The following KCTD16 variants were observed in gnomAD, a reference collection of about 807,000 sequenced individuals.
KCTD16 encodes BTB/POZ domain-containing protein KCTD16.
In KCTD16, 13 loss-of-function variants were observed where a neutral mutation model predicts 33.2. The observed-to-expected ratio is 0.39, with a 90% confidence interval of 0.25 to 0.62. The LOEUF (loss-of-function observed/expected upper bound fraction) is 0.62, where lower values mean the gene tolerates loss of function less well. Among genes scored for constraint, KCTD16 ranks in the 20% least tolerant of loss-of-function variants. The pLI is 0.50. For missense variants in KCTD16, 441 were observed against 525.1 expected (o/e 0.84, Z 1.57); for synonymous variants, 197 against 195.3 (o/e 1.01, Z -0.07).
At chr5:144,452,773 TAA>T (rs34403827) in intron 3 of KCTD16, among the ~76,000 whole-genome samples, 23 of 109,040 alleles carry the variant, frequency 2.1e-4, no homozygotes, top group Admixed American at 5.4e-4. Context: ...CAAGCAAGAA[TAA>T]AAAAAAAAAA....
At chr5:144,236,395 G>T (rs950516378) in intron 3 of KCTD16, among the ~76,000 whole-genome samples, 1 of 152,070 alleles carries the variant, frequency 6.6e-6, no homozygotes, top group Non-Finnish European at 1.5e-5. Context: ...ATATGCAGGG[G>T]CATGGAACAT....
At chr5:144,291,319 T>C (rs1755890727) in intron 3 of KCTD16, among the ~76,000 whole-genome samples, 1 of 152,226 alleles carries the variant, frequency 6.6e-6, no homozygotes, top group South Asian at 2.1e-4. Context: ...ACCTCCATAC[T>C]GGTATACACT....
At chr5:144,439,033 G>GTT (rs58143416) in intron 3 of KCTD16, among the ~76,000 whole-genome samples, 1 of 147,420 alleles carries the variant, frequency 6.8e-6, no homozygotes, top group Non-Finnish European at 1.5e-5. Flanking sequence ...AATTTCATCT[G>GTT]TTTTTTTTTT....
intron 2 of KCTD16, among the ~76,000 whole-genome samples, chr5:144,196,136 G>A (rs1752934884): frequency 6.6e-6 from 1 of 152,138 alleles, no homozygotes; most frequent in Non-Finnish European, 1.5e-5. Context: ...ACATTTTAAA[G>A]GAGCTCAAAA....
intron 3 of KCTD16, among the ~76,000 whole-genome samples, chr5:144,344,443 G>C (rs1034861318): frequency 1.0e-4 from 15 of 148,644 alleles, no homozygotes; most frequent in Admixed American, 4.7e-4. Context: ...GAAAATTTTC[G>C]CAACCTACTC....
intron 3 of KCTD16, among the ~76,000 whole-genome samples, chr5:144,310,730 T>A (rs541824641): frequency 6.6e-6 from 1 of 152,310 alleles, no homozygotes; most frequent in Non-Finnish European, 1.5e-5. Flanking sequence ...GAGTTGGCAC[T>A]ATTTTTTTTC....
At chr5:144,471,876 G>A (rs1754484288) in intron 3 of KCTD16, among the ~76,000 whole-genome samples, 1 of 151,892 alleles carries the variant, frequency 6.6e-6, no homozygotes, top group South Asian at 2.1e-4. Flanking sequence ...TGAAAGAGTG[G>A]GTATAATTTA....
At chr5:144,415,536 T>A (rs915595523) in intron 3 of KCTD16, among the ~76,000 whole-genome samples, 1 of 152,124 alleles carries the variant, frequency 6.6e-6, no homozygotes, top group Admixed American at 6.6e-5. Context: ...CAATTGGGAC[T>A]CAATCTCTAT....
intron 3 of KCTD16, among the ~76,000 whole-genome samples, chr5:144,353,893 A>T (rs972121145): frequency 2.0e-5 from 3 of 151,784 alleles, no homozygotes; most frequent in Non-Finnish European, 2.9e-5. Context: ...TTAAGTCACA[A>T]AATCGATGTT....
intron 3 of KCTD16, among the ~76,000 whole-genome samples, chr5:144,325,355 C>T (rs1037385923): frequency 2.0e-5 from 3 of 152,154 alleles, no homozygotes; most frequent in Non-Finnish European, 4.4e-5. Flanking sequence ...CTGATCAAGT[C>T]ACAAGGCTGC....
intron 3 of KCTD16, among the ~76,000 whole-genome samples, chr5:144,460,569 G>A (rs745968048): frequency 6.6e-5 from 10 of 152,162 alleles, no homozygotes; most frequent in Non-Finnish European, 7.3e-5. Context: ...AGCCTTCTGA[G>A]TAGCTGGAAT....
chr5:144,323,221 C>T (rs966246875), intron 3 of KCTD16, among the ~76,000 whole-genome samples: 23 of 152,138 alleles, frequency 1.5e-4, no homozygotes, highest in Non-Finnish European at 1.9e-4. Context: ...CTTTTACCAA[C>T]TGAGACAGTG....
At chr5:144,222,641 G>A (rs992137388) in intron 3 of KCTD16, among the ~76,000 whole-genome samples, 8 of 152,108 alleles carry the variant, frequency 5.3e-5, no homozygotes, top group East Asian at 1.9e-4. Flanking sequence ...GTCAGGAAAC[G>A]ACAGGTGCTG....
intron 3 of KCTD16, among the ~76,000 whole-genome samples, chr5:144,414,946 T>G (rs1753012720): frequency 1.3e-5 from 2 of 152,186 alleles, no homozygotes. Context: ...ATACAAATTT[T>G]GATTGGTCTG....
At chr5:144,204,360 AG>A (rs1753112846) in intron 2 of KCTD16, among the ~76,000 whole-genome samples, 2 of 152,318 alleles carry the variant, frequency 1.3e-5, no homozygotes, top group South Asian at 2.1e-4. Flanking sequence ...GGTGTTTTAA[AG>A]GGGAAATGGC....
intron 3 of KCTD16, among the ~76,000 whole-genome samples, chr5:144,278,724 C>G (rs370413851): frequency 6.6e-6 from 1 of 151,812 alleles, no homozygotes; most frequent in South Asian, 2.1e-4. Flanking sequence ...GTCTCGATCT[C>G]CTGACCTCAT....
chr5:144,433,490 A>G (rs1753511744), intron 3 of KCTD16, among the ~76,000 whole-genome samples: 1 of 152,062 alleles, frequency 6.6e-6, no homozygotes, highest in East Asian at 1.9e-4. Flanking sequence ...ATAACATCTG[A>G]TTTTTTTAAA....
intron 3 of KCTD16, chr5:144,383,184 G>A (rs566587902): frequency 1.3e-5 from 2 of 152,142 alleles, no homozygotes; most frequent in Admixed American, 1.3e-4. Context: ...GGGGACCTAG[G>A]GACTCTCTTA....
intron 3 of KCTD16, among the ~76,000 whole-genome samples, chr5:144,323,374 T>A (rs2126885986): frequency 6.6e-6 from 1 of 152,280 alleles, no homozygotes; most frequent in Non-Finnish European, 1.5e-5. Flanking sequence ...CAAGTTTCAT[T>A]AGGGACACAT....
Sources: gnomAD v4.1 joint callset for allele counts (sites outside exome capture counted in the v4.1 genomes callset) on GRCh38, gnomAD v4.1.1 for gene constraint, MANE v1.5 for transcripts, NCBI Gene and HGNC (gene_info 2026-07-23, HGNC 2026-07-21) for gene names.